Variants in RAPGEF2 observed in about 807,000 individuals in gnomAD.
The protein encoded by RAPGEF2 is PDZ domain containing guanine nucleotide exchange factor (GEF) 1.
RAPGEF2 carries 54 observed loss-of-function variants against 186.7 expected under a neutral mutation model. The observed-to-expected ratio is 0.29, with a 90% CI of 0.23 to 0.36. The LOEUF (loss-of-function observed/expected upper bound fraction) is 0.36, where lower values mean the gene tolerates loss of function less well. RAPGEF2 is among the 10% of genes least tolerant of loss of function. The probability of loss-of-function intolerance (pLI) is 1.00; values close to 1 mark genes in which losing one functional copy is unlikely to be tolerated. For synonymous variants in RAPGEF2, 712 were observed against 705.9 expected, an observed-to-expected ratio of 1.01 and a Z score of -0.14; for missense variants, 1,532 against 2,045.0, an observed-to-expected ratio of 0.75 and a Z score of 4.84.
Position 159,348,177 on chromosome 4 carries a change from C to T in RAPGEF2, c.3712+1179C>T, listed in dbSNP as rs374502691. On this transcript the variant is annotated intron_variant, in intron 25 of 29. Transcript: ENST00000691494. ...TGGAAATTGTAATAAGCCGGGATTG[C>T]ATCACTGCACTCCAGCCTGGGCGAC... Among the ~76,000 whole-genome samples, 9 of 151,966 alleles carry T rather than the reference C, an allele frequency of 5.9e-5. No individual in the cohort carries two copies. In the South Asian group the frequency reaches 8.3e-4, roughly 14 times the overall value.
chr4:159,313,341 C>T (rs1046322150), intron 8 of RAPGEF2, among the ~76,000 whole-genome samples: 5 of 152,148 alleles, frequency 3.3e-5, no homozygotes, highest in African/African-American at 9.7e-5. Flanking sequence ...CACAGTTTAT[C>T]AGCAGCATGA....
At chr4:159,201,483 C>A (rs537728171) in intron 3 of RAPGEF2, among the ~76,000 whole-genome samples, 1 of 152,306 alleles carries the variant, frequency 6.6e-6, no homozygotes, top group South Asian at 2.1e-4. Context: ...TCTCAACTGT[C>A]TGCGGGACGC....
chr4:159,145,080 C>T (rs972881052), intron 1 of RAPGEF2, among the ~76,000 whole-genome samples: 2 of 151,720 alleles, frequency 1.3e-5, no homozygotes, highest in African/African-American at 4.8e-5. Context: ...AGGATTTCAC[C>T]ATGTTGCCCA....
At chr4:159,148,367 A>G (rs1267646293) in intron 1 of RAPGEF2, among the ~76,000 whole-genome samples, 1 of 152,176 alleles carries the variant, frequency 6.6e-6, no homozygotes, top group Admixed American at 6.5e-5. Flanking sequence ...CCAGTTTCTT[A>G]TATTTGTTTT....
chr4:159,281,236 C>T (rs757014916), intron 7 of RAPGEF2, among the ~76,000 whole-genome samples: 15 of 151,934 alleles, frequency 9.9e-5, no homozygotes, highest in Middle Eastern at 3.2e-3. Context: ...ATGATCTGCC[C>T]GCCTTGGCCT....
At chr4:159,230,480 T>A (rs532881505) in intron 4 of RAPGEF2, among the ~76,000 whole-genome samples, 115 of 152,316 alleles carry the variant, frequency 7.6e-4, no homozygotes, top group South Asian at 4.6e-3. Flanking sequence ...AAGCTATATA[T>A]CTTTAAAAAT....
At chr4:159,212,904 G>A (rs772378250) in intron 4 of RAPGEF2, among the ~76,000 whole-genome samples, 4 of 152,026 alleles carry the variant, frequency 2.6e-5, no homozygotes, top group Admixed American at 6.6e-5. Context: ...TTCTGGAAAG[G>A]GAACTTAATG....
chr4:159,198,326 CTTTCTTTCTT>C (rs1749011404), intron 3 of RAPGEF2, among the ~76,000 whole-genome samples: 1 of 65,350 alleles, frequency 1.5e-5, no homozygotes, highest in African/African-American at 1.3e-4. Context: ...TTCTTTCTTT[CTTTCTTTCTT>C]TTTCTTTCTC....
At chr4:159,248,329 A>G (rs1052384932) in intron 7 of RAPGEF2, among the ~76,000 whole-genome samples, 2 of 152,224 alleles carry the variant, frequency 1.3e-5, no homozygotes, top group Non-Finnish European at 2.9e-5. Flanking sequence ...AGTGATATAC[A>G]TACAAATAAA....
At chr4:159,242,469 A>G (rs1433301780) in intron 6 of RAPGEF2, among the ~76,000 whole-genome samples, 1 of 151,772 alleles carries the variant, frequency 6.6e-6, no homozygotes, top group East Asian at 1.9e-4. Context: ...TTATACCCAC[A>G]CTTCATATAT....
chr4:159,353,482 C>T lies in RAPGEF2; in HGVS notation c.4092-5C>T. The T allele has an allele frequency of 6.9e-7, 1 of 1,450,802 alleles. No homozygotes were observed. Among genetic ancestry groups the T allele is most frequent in the Non-Finnish European group, 9.1e-7 (1 of 1,100,426 alleles). The allele number at this position is 1,450,802 out of a possible 1,614,324, so 89.9% of individuals were successfully genotyped here. A position where few individuals can be genotyped will look rare whatever the true frequency, so the allele number is the denominator to read the frequency against. The stretch of plus-strand genomic sequence containing the variant: ...TTTTCTTTTCCATTTCTTTTAACCA[C>T]TTAGGTCCTATGCACCAATGTCCGA... On this transcript the variant is annotated splice_region_variant and splice_polypyrimidine_tract_variant and intron_variant, in intron 27 of 29. Coordinates refer to ENST00000691494, the MANE Select transcript of RAPGEF2 (RefSeq NM_001394067.2). This position sits in a 1 kb window ranked among gnomAD's most constrained non-coding sequence, Gnocchi z 4.3.
intron 7 of RAPGEF2, among the ~76,000 whole-genome samples, chr4:159,248,253 A>AT (rs1754887320): frequency 1.3e-5 from 2 of 152,204 alleles, no homozygotes; most frequent in Admixed American, 1.3e-4. Flanking sequence ...GGAAAGCTAA[A>AT]TAGAAATGTG....
At chr4:159,270,438 C>T (rs1439669465) in intron 7 of RAPGEF2, among the ~76,000 whole-genome samples, 1 of 152,160 alleles carries the variant, frequency 6.6e-6, no homozygotes, top group African/African-American at 2.4e-5. Context: ...TTCACAAATA[C>T]TTCTGTTTTG....
At chr4:159,145,926 G>A (rs1035907852) in intron 1 of RAPGEF2, among the ~76,000 whole-genome samples, 3 of 152,144 alleles carry the variant, frequency 2.0e-5, no homozygotes, top group Non-Finnish European at 4.4e-5. Flanking sequence ...GTCATAGAGG[G>A]CTAGGTTTCA....
chr4:159,264,474 G>T (rs1292125148), intron 7 of RAPGEF2, among the ~76,000 whole-genome samples: 1 of 152,200 alleles, frequency 6.6e-6, no homozygotes, highest in Non-Finnish European at 1.5e-5. Flanking sequence ...AACCTTGAGA[G>T]GAGTGTTTTG....
chr4:159,323,573 G>A lies in RAPGEF2; in HGVS notation c.1105G>A (p.Glu369Lys). ...SFGVSPTMDK[E>K]YMKGVMRTKV... ...TGGTGTCTCTCCTACCATGGACAAAGAATACATGAAAGGAGTGATGAGAAC... is the reference window on the plus strand; with the variant it reads ...TGGTGTCTCTCCTACCATGGACAAAAAATACATGAAAGGAGTGATGAGAAC... Residue 369 changes from glutamate to lysine, a missense_variant, in exon 11 of 30, where the codon GAA becomes AAA. By Grantham distance (56) the Glu-to-Lys change is moderately conservative. Around this residue, in one of 4 missense-constraint regions of RAPGEF2, gnomAD observed 810 missense variants for 1,210.5 expected, o/e 0.67. Coordinates refer to ENST00000691494, the MANE Select transcript of RAPGEF2 (RefSeq NM_001394067.2). 6.2e-7 allele frequency: 1 copy of A among 1,610,528 alleles called. No homozygotes were observed. The highest frequency in any genetic ancestry group is 8.5e-7 in the Non-Finnish European group (1 of 1,178,080).
intron 1 of RAPGEF2, among the ~76,000 whole-genome samples, chr4:159,168,115 G>T (rs945597683): frequency 2.6e-5 from 4 of 152,186 alleles, no homozygotes; most frequent in African/African-American, 9.7e-5. Context: ...TTATGTTGGG[G>T]TTATTGCCAG....
chr4:159,290,083 T>C (rs538539175), intron 7 of RAPGEF2, among the ~76,000 whole-genome samples: 27 of 152,218 alleles, frequency 1.8e-4, no homozygotes, highest in Non-Finnish European at 4.0e-4. Context: ...TTTTAAAAGT[T>C]TACTTCTGGC....
At chr4:159,166,125 C>T (rs1561033777) in intron 1 of RAPGEF2, among the ~76,000 whole-genome samples, 1 of 152,008 alleles carries the variant, frequency 6.6e-6, no homozygotes. Context: ...CCAGCCTGGC[C>T]AACATGACAA....
Sources: gnomAD v4.1 joint callset for allele counts (sites outside exome capture counted in the v4.1 genomes callset) on GRCh38, gnomAD v4.1.1 for gene constraint, gnomAD v4.1.1 regional missense constraint, Gnocchi (gnomAD v3.1) non-coding constraint, MANE v1.5 for transcripts, NCBI Gene and HGNC (gene_info 2026-07-23, HGNC 2026-07-21) for gene names.